Variants in TBC1D7 observed in about 807,000 individuals in gnomAD.
The protein encoded by TBC1D7 is TBC domain family 7.
TBC1D7 carries 33 observed loss-of-function variants against 35.3 expected under a neutral mutation model. That is an observed-to-expected ratio of 0.93 (90% CI 0.71 to 1.25). TBC1D7 has a LOEUF of 1.25. Among genes scored for constraint, TBC1D7 ranks in the 50% most tolerant of loss-of-function variants. The probability of loss-of-function intolerance (pLI) is 0.00; values close to 1 mark genes in which losing one functional copy is unlikely to be tolerated. For missense variants in TBC1D7, 362 were observed against 365.3 expected (o/e 0.99, Z 0.07); for synonymous variants, 135 against 129.5 (o/e 1.04, Z -0.29).
At chr6:13,316,846 G>A in intron 4 of TBC1D7, 138 bp from the exon 5 acceptor site, 1 of 1,052,798 alleles carries the variant, frequency 9.5e-7, no homozygotes. Context: ...AAAAAGCACA[G>A]AGTCCCTCCC....
chr6:13,306,301 G>T, intron 7 of TBC1D7, 97 bp downstream of exon 7: 1 of 1,103,582 alleles, frequency 9.1e-7, no homozygotes, highest in Non-Finnish European at 1.3e-6. Context: ...CTAAAATCAT[G>T]TAATTATTTC....
At chr6:13,305,536 G>T in intron 7 of TBC1D7, 1 of 304,578 alleles carries the variant, frequency 3.3e-6, no homozygotes. Context: ...ACTTAGCACA[G>T]GCTTCGCACT....
chr6:13,315,795 G>A (rs975547134), intron 5 of TBC1D7, among the ~76,000 whole-genome samples: 19 of 152,232 alleles, frequency 1.2e-4, no homozygotes, highest in African/African-American at 4.1e-4. Context: ...AAGGCTTCCA[G>A]TCAACAGTAG....
chr6:13,325,317 G>A (rs1784333029), intron 2 of TBC1D7, 143 bp from the exon 3 acceptor site: 2 of 583,436 alleles, frequency 3.4e-6, no homozygotes, highest in African/African-American at 1.9e-5. Flanking sequence ...GTTTAGGAGA[G>A]GCAATACTAG....
chr6:13,313,937 A>G (rs1783409581), intron 5 of TBC1D7, among the ~76,000 whole-genome samples: 1 of 152,246 alleles, frequency 6.6e-6, no homozygotes. Flanking sequence ...ATAGGGCCAC[A>G]TGTACAGTAT....
rs537033869 is a variant in TBC1D7 at position 13,324,118 on chromosome 6, TTTTG to T, written c.193+972_193+975del. Reference sequence around the variant, plus strand: ...TACAGTGAACAAACTGTAAGTTTTTTTTTGTTTGTTTTTTGTTTTTTTTTTTGGA... The same window carrying T: ...TACAGTGAACAAACTGTAAGTTTTTTTTTGTTTTTTGTTTTTTTTTTTGGA... On this transcript the variant is annotated intron_variant, in intron 3 of 7. Transcript: ENST00000379300. Among the ~76,000 whole-genome samples, 777 of 149,746 alleles carry T rather than the reference TTTTG, an allele frequency of 5.2e-3. 4 individuals carry two copies. The highest frequency in any genetic ancestry group is 8.1e-3 in the Non-Finnish European group (547 of 67,360).
chr6:13,324,578 T>C (rs114806715), intron 3 of TBC1D7, among the ~76,000 whole-genome samples: 201 of 152,340 alleles, frequency 1.3e-3, no homozygotes, highest in Non-Finnish European at 2.7e-3. Context: ...TTTTCTTCCA[T>C]AGAAACTAAG....
chr6:13,307,944 A>C (rs1400537836), intron 5 of TBC1D7, among the ~76,000 whole-genome samples, 199 bp from the exon 6 acceptor site: 2 of 152,248 alleles, frequency 1.3e-5, no homozygotes. Flanking sequence ...TCCAGGACTG[A>C]GGAGTTTCCC....
chr6:13,316,518 C>A, intron 5 of TBC1D7, 53 bp downstream of exon 5: 1 of 1,580,812 alleles, frequency 6.3e-7, no homozygotes. Flanking sequence ...CCCTGAAGAC[C>A]CCCACTACCA....
intron 5 of TBC1D7, among the ~76,000 whole-genome samples, chr6:13,314,302 T>C (rs1309190328): frequency 2.6e-5 from 4 of 152,222 alleles, no homozygotes; most frequent in African/African-American, 7.2e-5. Context: ...GTTTACTTCT[T>C]AGAAGGAGAA....
At chr6:13,315,966 A>G (rs2496157) in intron 5 of TBC1D7, among the ~76,000 whole-genome samples, 47,740 of 152,068 alleles carry the variant, frequency 0.31, 7,727 homozygotes, top group South Asian at 0.46. Context: ...TGTCCCTCTT[A>G]TTCCTTTGTG....
chr6:13,315,881 T>C (rs1783572220), intron 5 of TBC1D7, among the ~76,000 whole-genome samples: 1 of 152,226 alleles, frequency 6.6e-6, no homozygotes, highest in Non-Finnish European at 1.5e-5. Flanking sequence ...GGGTCAGTTC[T>C]CCTAAACCTA....
chr6:13,310,637 C>CAAAAAAAAAAAAAAAAAAAAAAAAAAAA lies in TBC1D7; in HGVS notation c.520-2893_520-2892insTTTTTTTTTTTTTTTTTTTTTTTTTTTT, dbSNP rs546122443. Among the ~76,000 whole-genome samples the CAAAAAAAAAAAAAAAAAAAAAAAAAAAA allele has an allele frequency of 2.4e-3, 174 of 72,758 alleles. 1 individual carries two copies. Among genetic ancestry groups the CAAAAAAAAAAAAAAAAAAAAAAAAAAAA allele is most frequent in the South Asian group, 3.5e-3 (6 of 1,734 alleles). The allele number at this position is 72,758 out of a possible 152,430, so 47.7% of individuals were successfully genotyped here. A position where few individuals can be genotyped will look rare whatever the true frequency, so the allele number is the denominator to read the frequency against. ...TGGGTGACAGAGCGAGACTCCGTCT[C>CAAAAAAAAAAAAAAAAAAAAAAAAAAAA]AAAAAAAAAAAAAAAAGAATATTGT... On this transcript the variant is annotated intron_variant, in intron 5 of 7. Transcript: ENST00000379300.
At position 13,317,123 on chromosome 6, in the gene TBC1D7, T is replaced by C. The variant is rs537511830; in HGVS notation, c.382-415A>G. 2.0e-5 allele frequency among the ~76,000 whole-genome samples: 3 copies of C among 152,326 alleles called. No individual in the cohort carries two copies. The South Asian group carries it at 6.2e-4, about 32-fold the overall frequency. ...TTTTCAGCACAGTAATTTGCAAATA[T>C]TGAAGAGCTCCAAAAAGACTAATAA... On this transcript the variant is annotated intron_variant, in intron 4 of 7. Transcript: ENST00000379300.
chr6:13,321,119 A>G (rs951488243), intron 3 of TBC1D7, 24 bp from the exon 4 acceptor site: 25 of 1,590,128 alleles, frequency 1.6e-5, no homozygotes, highest in Admixed American at 3.5e-5. Context: ...GAAAAACGAA[A>G]AAAGGACAAA....
intron 5 of TBC1D7, among the ~76,000 whole-genome samples, chr6:13,308,313 C>T (rs1479739680): frequency 6.6e-6 from 1 of 152,180 alleles, no homozygotes; most frequent in Non-Finnish European, 1.5e-5. Flanking sequence ...CCACTGTGCA[C>T]CAGTGCCAAG....
At chr6:13,312,522 T>C (rs984690762) in intron 5 of TBC1D7, among the ~76,000 whole-genome samples, 5 of 151,952 alleles carry the variant, frequency 3.3e-5, no homozygotes, top group African/African-American at 1.2e-4. Flanking sequence ...ATCCCGTCTC[T>C]ACTAAAAATA....
intron 5 of TBC1D7, among the ~76,000 whole-genome samples, chr6:13,311,414 G>C (rs1214714240): frequency 6.6e-6 from 1 of 152,108 alleles, no homozygotes; most frequent in Non-Finnish European, 1.5e-5. Context: ...ACCACTCAGG[G>C]GCATCATTAT....
intron 3 of TBC1D7, 85 bp from the exon 4 acceptor site, chr6:13,321,180 G>C: frequency 8.6e-7 from 1 of 1,160,558 alleles, no homozygotes; most frequent in Non-Finnish European, 1.2e-6. Context: ...GATGCCGTGA[G>C]AAGCGACCCA....
Sources: allele counts gnomAD v4.1 joint callset (sites outside exome capture counted in the v4.1 genomes callset), GRCh38; gene constraint gnomAD v4.1.1; transcripts MANE v1.5; gene names NCBI Gene and HGNC (gene_info 2026-07-23, HGNC 2026-07-21).